The following DOCK3 variants were observed in gnomAD, a reference collection of about 807,000 sequenced individuals.
The protein encoded by DOCK3 is dedicator of cytokinesis 3.
Under a neutral mutation model 265.6 loss-of-function variants are expected in DOCK3, and 60 were observed. The ratio of observed to expected loss-of-function variants is 0.23; its 90% CI spans 0.18 to 0.28. The LOEUF (loss-of-function observed/expected upper bound fraction) is 0.28. Among genes scored for constraint, DOCK3 ranks in the 10% least tolerant of loss-of-function variants. The pLI is 1.00. For missense variants in DOCK3, 1,981 were observed against 2,594.3 expected (o/e 0.76, Z 5.14); for synonymous variants, 881 against 938.0 (o/e 0.94, Z 1.11).
intron 12 of DOCK3, among the ~76,000 whole-genome samples, chr3:51,201,475 T>C (rs1053343688): frequency 1.6e-4 from 24 of 152,148 alleles, no homozygotes; most frequent in African/African-American, 5.3e-4. Flanking sequence ...GAGCTAACTA[T>C]CCTAAATATA....
chr3:50,995,147 C>T (rs887465980), intron 5 of DOCK3, among the ~76,000 whole-genome samples: 1 of 152,068 alleles, frequency 6.6e-6, no homozygotes, highest in Admixed American at 6.5e-5. Flanking sequence ...CTGTTACTTT[C>T]CCATGTTCTT....
At chr3:51,229,491 T>C (rs1375984162) in intron 18 of DOCK3, 21 bp from the exon 19 acceptor site, 1 of 1,537,800 alleles carries the variant, frequency 6.5e-7, no homozygotes, top group Non-Finnish European at 8.8e-7. Flanking sequence ...GGGTTCCTCA[T>C]CTTTTGGGCT....
At chr3:51,050,454 G>A (rs1575886687) in intron 5 of DOCK3, among the ~76,000 whole-genome samples, 1 of 152,124 alleles carries the variant, frequency 6.6e-6, no homozygotes, top group African/African-American at 2.4e-5. Flanking sequence ...TAGAATTGTA[G>A]CACATTGGGG....
At chr3:51,014,514 A>G (rs545425881) in intron 5 of DOCK3, among the ~76,000 whole-genome samples, 107 of 151,582 alleles carry the variant, frequency 7.1e-4, no homozygotes, top group African/African-American at 2.4e-3. Context: ...TCTAGAATGC[A>G]GTCCAGGTTC....
chr3:50,730,778 C>T (rs1267229491), intron 1 of DOCK3, among the ~76,000 whole-genome samples: 1 of 151,788 alleles, frequency 6.6e-6, no homozygotes, highest in Non-Finnish European at 1.5e-5. Flanking sequence ...CTGCAGTGAG[C>T]TAGGATCACA....
chr3:50,825,865 T>G (rs868334217), intron 2 of DOCK3, among the ~76,000 whole-genome samples: 1 of 152,144 alleles, frequency 6.6e-6, no homozygotes, highest in East Asian at 1.9e-4. Context: ...CAAACTATAT[T>G]TTTTCTTTGT....
At chr3:51,294,677 C>CAAAAA (rs59339067) in intron 27 of DOCK3, among the ~76,000 whole-genome samples, 9 of 119,862 alleles carry the variant, frequency 7.5e-5, no homozygotes, top group African/African-American at 2.9e-4. Flanking sequence ...GACTCTATCT[C>CAAAAA]AAAAAAAAAA....
intron 9 of DOCK3, among the ~76,000 whole-genome samples, chr3:51,137,991 G>A (rs908910365): frequency 6.6e-6 from 1 of 152,152 alleles, no homozygotes; most frequent in African/African-American, 2.4e-5. Context: ...TCTTGCTCTA[G>A]TTGCCAAGTA....
chr3:50,999,156 A>T (rs536696955), intron 5 of DOCK3, among the ~76,000 whole-genome samples: 1 of 152,374 alleles, frequency 6.6e-6, no homozygotes, highest in South Asian at 2.1e-4. Context: ...CCACAAATGC[A>T]TATTTAGCAG....
At chr3:50,779,957 G>C (rs1447228987) in intron 2 of DOCK3, among the ~76,000 whole-genome samples, 1 of 152,188 alleles carries the variant, frequency 6.6e-6, no homozygotes, top group Non-Finnish European at 1.5e-5. Context: ...TAGAACTGTT[G>C]CAGTGTGGGT....
chr3:50,770,543 C>T (rs1437191658), intron 1 of DOCK3, among the ~76,000 whole-genome samples: 2 of 151,820 alleles, frequency 1.3e-5, no homozygotes, highest in Non-Finnish European at 2.9e-5. Context: ...ATTCAAGGCA[C>T]TGCCCATCAA....
At chr3:51,376,915 T>C (rs528933838) in intron 51 of DOCK3, among the ~76,000 whole-genome samples, 2 of 152,286 alleles carry the variant, frequency 1.3e-5, no homozygotes, top group Non-Finnish European at 1.5e-5. Flanking sequence ...AGCTTCAAGG[T>C]CGTATATCCC....
intron 5 of DOCK3, among the ~76,000 whole-genome samples, chr3:50,967,090 A>C (rs2077055190): frequency 6.6e-6 from 1 of 152,144 alleles, no homozygotes; most frequent in Non-Finnish European, 1.5e-5. Context: ...TATATTGTTA[A>C]CTACAGTCAC....
intron 7 of DOCK3, among the ~76,000 whole-genome samples, chr3:51,080,461 T>C (rs779582534): frequency 6.6e-6 from 1 of 152,156 alleles, no homozygotes; most frequent in Non-Finnish European, 1.5e-5. Context: ...ACAACCCTAA[T>C]AGAGGTGATG....
intron 14 of DOCK3, among the ~76,000 whole-genome samples, chr3:51,216,102 T>C (rs760300104): frequency 6.6e-6 from 1 of 152,202 alleles, no homozygotes; most frequent in Non-Finnish European, 1.5e-5. Flanking sequence ...AGGGATATAC[T>C]TAAAGTCCTT....
intron 22 of DOCK3, among the ~76,000 whole-genome samples, chr3:51,249,635 T>G: frequency 2.6e-5 from 1 of 39,104 alleles, no homozygotes; most frequent in South Asian, 1.2e-3. Flanking sequence ...AGCCGTCCCG[T>G]CCGGGAGGGA....
chr3:51,045,661 T>C (rs1343962506), intron 5 of DOCK3, among the ~76,000 whole-genome samples: 1 of 152,192 alleles, frequency 6.6e-6, no homozygotes, highest in Non-Finnish European at 1.5e-5. Context: ...CTATTTTTAT[T>C]TCTCATCTTT....
chr3:50,863,548 G>A (rs1575391301), intron 3 of DOCK3: 1 of 413,240 alleles, frequency 2.4e-6, no homozygotes, highest in Non-Finnish European at 4.7e-6. Context: ...CTAGACTCTC[G>A]ATGCTTTCCT....
intron 1 of DOCK3, among the ~76,000 whole-genome samples, chr3:50,760,430 G>C (rs889199827): frequency 6.6e-6 from 1 of 152,098 alleles, no homozygotes; most frequent in Non-Finnish European, 1.5e-5. Flanking sequence ...TGTGAATTGA[G>C]TAGAAATCAT....
Sources: allele counts gnomAD v4.1 joint callset (sites outside exome capture counted in the v4.1 genomes callset), GRCh38; gene constraint gnomAD v4.1.1; transcripts MANE v1.5; gene names NCBI Gene and HGNC (gene_info 2026-07-23, HGNC 2026-07-21).